OLFM3: variants seen among roughly 807,000 people sequenced by gnomAD.
OLFM3 encodes the protein noelin-3.
OLFM3 carries 20 observed loss-of-function variants against 48.6 expected under a neutral mutation model. The observed-to-expected ratio is 0.41, with a 90% CI of 0.29 to 0.60. The LOEUF (loss-of-function observed/expected upper bound fraction) is 0.60, where lower values mean the gene tolerates loss of function less well. OLFM3 is among the 20% of genes least tolerant of loss of function. The pLI is 0.28. For missense variants in OLFM3, 437 were observed against 544.3 expected, an observed-to-expected ratio of 0.80 and a Z score of 1.96; for synonymous variants, 222 against 198.1, an observed-to-expected ratio of 1.12 and a Z score of -1.01.
In OLFM3 at chr1:101,825,047, G is replaced by A. The variant is rs746370349; in HGVS notation, c.571C>T (p.Arg191Cys). The A allele has an allele frequency of 9.3e-6, 15 of 1,613,856 alleles. No individual in the cohort carries two copies. Among genetic ancestry groups the A allele is most frequent in the East Asian group, 2.2e-5 (1 of 44,884 alleles). The change falls in exon 4 of 6, where the codon CGT (arginine) becomes TGT (cysteine). Residue 191 changes from arginine (R) to cysteine (C), a missense_variant. By Grantham distance (180) the Arg-to-Cys change is radical. Coordinates refer to ENST00000370103, the MANE Select transcript of OLFM3 (RefSeq NM_058170.4). The stretch of plus-strand genomic sequence containing the variant: ...TCACTTAGCTTTTTCATGCAGTCAC[G>A]AAGTCTTGTTTCCAAGCTCAGCACT... The part of the protein sequence containing the change: ...QRVLSLETRL[R>C]DCMKKLTCGK...
At chr1:101,894,684 A>G (rs1488001507) in intron 1 of OLFM3, among the ~76,000 whole-genome samples, 1 of 152,046 alleles carries the variant, frequency 6.6e-6, no homozygotes, top group Non-Finnish European at 1.5e-5. Flanking sequence ...GTCATATGTA[A>G]TTTTTCCTCT....
intron 1 of OLFM3, among the ~76,000 whole-genome samples, chr1:101,876,473 T>G (rs1022485578): frequency 6.6e-6 from 1 of 152,124 alleles, no homozygotes; most frequent in Non-Finnish European, 1.5e-5. Context: ...ATCTCTGGGA[T>G]GAAGAATGTC....
intron 1 of OLFM3, among the ~76,000 whole-genome samples, chr1:101,991,719 C>A (rs369548029): frequency 1.3e-5 from 2 of 149,406 alleles, no homozygotes; most frequent in South Asian, 4.4e-4. Context: ...TTCAGACATA[C>A]TAGATTAATG....
chr1:101,891,500 C>T (rs1333965189), intron 1 of OLFM3, among the ~76,000 whole-genome samples: 1 of 151,836 alleles, frequency 6.6e-6, no homozygotes, highest in Non-Finnish European at 1.5e-5. Context: ...CTGCTGATCA[C>T]TATTACTCAT....
At chr1:101,954,740 A>G (rs1660238944) in intron 1 of OLFM3, among the ~76,000 whole-genome samples, 1 of 152,086 alleles carries the variant, frequency 6.6e-6, no homozygotes, top group South Asian at 2.1e-4. Flanking sequence ...CTTTTATTCT[A>G]TCCTAGAGGA....
intron 1 of OLFM3, chr1:101,837,829 C>T (rs1400635912): frequency 1.3e-5 from 2 of 152,084 alleles, no homozygotes; most frequent in Non-Finnish European, 1.5e-5. Flanking sequence ...TTATGTCGCT[C>T]ATTTCATTTT....
At chr1:101,903,224 G>C (rs1467134109) in intron 1 of OLFM3, among the ~76,000 whole-genome samples, 1 of 152,080 alleles carries the variant, frequency 6.6e-6, no homozygotes, top group South Asian at 2.1e-4. Flanking sequence ...GAAGCCCAAA[G>C]AGAGTGGCTA....
chr1:101,990,756 C>T (rs555193764), intron 1 of OLFM3, among the ~76,000 whole-genome samples: 6 of 151,400 alleles, frequency 4.0e-5, no homozygotes, highest in Middle Eastern at 3.4e-3. Context: ...GAGGCTGAGG[C>T]GGCAGATCAC....
intron 1 of OLFM3, among the ~76,000 whole-genome samples, chr1:101,976,843 T>C (rs1660968713): frequency 6.6e-6 from 1 of 152,172 alleles, no homozygotes; most frequent in South Asian, 2.1e-4. Context: ...GAATCTAAAT[T>C]ACTCTAAGAA....
At chr1:101,867,433 C>A (rs17125624) in intron 1 of OLFM3, among the ~76,000 whole-genome samples, 1 of 151,980 alleles carries the variant, frequency 6.6e-6, no homozygotes, top group Non-Finnish European at 1.5e-5. Flanking sequence ...GGATTGTTAC[C>A]TTCCTTGTCA....
intron 2 of OLFM3, among the ~76,000 whole-genome samples, chr1:101,836,464 G>C (rs995525041): frequency 2.6e-5 from 4 of 152,186 alleles, no homozygotes; most frequent in Admixed American, 1.3e-4. Flanking sequence ...TATCTGTCCA[G>C]ATAGCTTGCA....
intron 1 of OLFM3, among the ~76,000 whole-genome samples, chr1:101,908,130 A>C (rs538308210): frequency 2.0e-5 from 3 of 152,330 alleles, no homozygotes; most frequent in African/African-American, 7.2e-5. Flanking sequence ...AATTTCGTTT[A>C]ATGATAGCAC....
intron 1 of OLFM3, among the ~76,000 whole-genome samples, chr1:101,915,748 G>T (rs1658904924): frequency 1.3e-5 from 2 of 152,128 alleles, no homozygotes; most frequent in South Asian, 4.1e-4. Flanking sequence ...CCTTTCAGAA[G>T]TTATTTCCAT....
At chr1:101,958,681 G>A (rs1660373701) in intron 1 of OLFM3, among the ~76,000 whole-genome samples, 2 of 151,988 alleles carry the variant, frequency 1.3e-5, no homozygotes, top group African/African-American at 4.8e-5. Context: ...TGTATAAAAT[G>A]TATGAACATG....
intron 1 of OLFM3, among the ~76,000 whole-genome samples, chr1:101,955,027 G>A (rs527379500): frequency 6.6e-6 from 1 of 152,152 alleles, no homozygotes; most frequent in South Asian, 2.1e-4. Context: ...GGTTCATTAT[G>A]AGGCTATTTC....
At chr1:101,895,412 TACACACACACACACACAC>T (rs35047632) in intron 1 of OLFM3, among the ~76,000 whole-genome samples, 12 of 144,206 alleles carry the variant, frequency 8.3e-5, no homozygotes, top group African/African-American at 2.3e-4. Flanking sequence ...AGCTCAAGAA[TACACACACACACACACAC>T]ACACACACAC....
intron 1 of OLFM3, among the ~76,000 whole-genome samples, chr1:101,906,274 G>T (rs1331439159): frequency 6.6e-6 from 1 of 151,792 alleles, no homozygotes; most frequent in Non-Finnish European, 1.5e-5. Context: ...GTTTACAAAT[G>T]ACACAGACCT....
At chr1:101,956,095 T>TTTTAA (rs1553183045) in intron 1 of OLFM3, among the ~76,000 whole-genome samples, 8 of 143,714 alleles carry the variant, frequency 5.6e-5, no homozygotes, top group African/African-American at 2.1e-4. Flanking sequence ...GGTTTTTTTT[T>TTTTAA]TTTTTTTTAA....
chr1:101,942,911 T>C (rs1659837380), intron 1 of OLFM3, among the ~76,000 whole-genome samples: 1 of 152,188 alleles, frequency 6.6e-6, no homozygotes, highest in African/African-American at 2.4e-5. Context: ...CGGTGACTCC[T>C]GAGAGTCACT....
Sources: allele counts gnomAD v4.1 joint callset (sites outside exome capture counted in the v4.1 genomes callset), GRCh38; gene constraint gnomAD v4.1.1; transcripts MANE v1.5; gene names NCBI Gene and HGNC (gene_info 2026-07-23, HGNC 2026-07-21).